Variants in BOD1L1 observed in about 807,000 individuals in gnomAD.
BOD1L1 encodes biorientation of chromosomes in cell division protein 1-like 1.
Under a neutral mutation model 240.7 loss-of-function variants are expected in BOD1L1, and 86 were observed. The ratio of observed to expected loss-of-function variants is 0.36; its 90% CI spans 0.30 to 0.43. The LOEUF (loss-of-function observed/expected upper bound fraction) is 0.43, where lower values mean the gene tolerates loss of function less well. Ranked by LOEUF, BOD1L1 falls within the 20% of genes least tolerant of loss-of-function variation. The probability of loss-of-function intolerance (pLI) is 1.00; values close to 1 mark genes in which losing one functional copy is unlikely to be tolerated. For missense variants in BOD1L1, 3,554 were observed against 3,643.5 expected (o/e 0.98, Z 0.63); for synonymous variants, 1,268 against 1,272.3 (o/e 1.00, Z 0.07).
intron 2 of BOD1L1, among the ~76,000 whole-genome samples, chr4:13,617,034 C>G (rs867533545): frequency 2.8e-4 from 42 of 152,216 alleles, no homozygotes; most frequent in Middle Eastern, 3.4e-3. Context: ...ATCACAAGGT[C>G]AGGAGATCGA....
intron 1 of BOD1L1, chr4:13,625,772 GA>G (rs1310954392): frequency 6.6e-6 from 1 of 152,012 alleles, no homozygotes; most frequent in Non-Finnish European, 1.5e-5. Flanking sequence ...TATTCCTGAA[GA>G]CAAAAGTAAA....
intron 16 of BOD1L1, among the ~76,000 whole-genome samples, chr4:13,587,187 C>T (rs541582943): frequency 6.6e-6 from 1 of 152,240 alleles, no homozygotes; most frequent in African/African-American, 2.4e-5. Context: ...TTCAGTCTTT[C>T]ATTTCCACTG....
In BOD1L1 at chr4:13,604,106, C is replaced by T. The variant is rs1715463774; in HGVS notation, c.2794G>A (p.Ala932Thr). The change falls in exon 10 of 26, where the codon GCC (alanine) becomes ACC (threonine). Residue 932 changes from alanine (A) to threonine (T), a missense_variant. Ala to Thr is a moderately conservative substitution (Grantham distance 58, BLOSUM62 0). Coordinates refer to ENST00000040738, the MANE Select transcript of BOD1L1 (RefSeq NM_148894.3). ...TTTGGAGTGGTTGCCTGTTTTGTGG[C>T]ACCTTCTTGTAATTCTGTTTCTACA... is the stretch of plus-strand genomic sequence containing the variant. ...KVVETELQEG[A>T]TKQATTPKPD... The T allele has an allele frequency of 1.2e-6, 2 of 1,613,514 alleles. No individual in the cohort carries two copies. Among genetic ancestry groups the T allele is most frequent in the Non-Finnish European group, 1.7e-6 (2 of 1,179,852 alleles).
At position 13,603,110 on chromosome 4, in the gene BOD1L1, G is replaced by A. The variant is rs760547134; in HGVS notation, c.3790C>T (p.His1264Tyr). The change falls in exon 10 of 26, where the codon CAT becomes TAT. Residue 1264 changes from histidine (H) to tyrosine (Y), a missense_variant. Coordinates refer to ENST00000040738, the MANE Select transcript of BOD1L1 (RefSeq NM_148894.3). ...KNLKNTAAEE[H>Y]VAQGDATLEH... ...AGAGTGGCATCTCCTTGAGCAACATGTTCTTCAGCAGCTGTGTTTTTCAAA... is the reference window on the plus strand; with the variant it reads ...AGAGTGGCATCTCCTTGAGCAACATATTCTTCAGCAGCTGTGTTTTTCAAA... 1.9e-6 allele frequency: 3 copies of A among 1,613,988 alleles called. No homozygotes were observed. The highest frequency in any genetic ancestry group is 4.5e-5 in the East Asian group (2 of 44,882).
Position 13,618,424 on chromosome 4 carries a change from G to T in BOD1L1, c.368+1519C>A, listed in dbSNP as rs1716780891. Among the ~76,000 whole-genome samples the T allele has an allele frequency of 2.0e-5, 3 of 152,264 alleles. No individual in the cohort carries two copies. The South Asian group carries it at 6.2e-4, about 32-fold the overall frequency. Reference sequence around the variant, plus strand: ...TTATCCCCTAGTCCTAAGCTATTTTGGTCATTGTTCTCTTTGAAAGCCTTT... The same window carrying T: ...TTATCCCCTAGTCCTAAGCTATTTTTGTCATTGTTCTCTTTGAAAGCCTTT... On this transcript the variant is annotated intron_variant, in intron 2 of 25. Transcript: ENST00000040738.
Position 13,619,963 on chromosome 4 carries a change from G to A in BOD1L1, c.348C>T (p.Asn116=), listed in dbSNP as rs368418760. 5.6e-6 allele frequency: 9 copies of A among 1,613,046 alleles called. No individual in the cohort carries two copies. Among genetic ancestry groups the A allele is most frequent in the African/African-American group, 4.0e-5 (3 of 74,924 alleles). ...PHLNKNQLRN[N]IRQQVLKSGM... Reference sequence around the variant, plus strand: ...CTTACTTGAGGACTTGTTGTCTAATGTTGTTTCTTAGCTGGTTCTTATTGA... The same window carrying A: ...CTTACTTGAGGACTTGTTGTCTAATATTGTTTCTTAGCTGGTTCTTATTGA... Residue 116 remains asparagine (N), a synonymous_variant, in exon 2 of 26, where the codon AAC becomes AAT. Coordinates refer to ENST00000040738, the MANE Select transcript of BOD1L1 (RefSeq NM_148894.3).
chr4:13,591,621 T>C (rs1400244524), intron 13 of BOD1L1, among the ~76,000 whole-genome samples: 1 of 152,210 alleles, frequency 6.6e-6, no homozygotes, highest in Non-Finnish European at 1.5e-5. Context: ...CTAAAATCTA[T>C]TTTGTCTATA....
In BOD1L1 at chr4:13,601,144, G is replaced by A; in HGVS notation, c.5756C>T (p.Ala1919Val). 4 of 1,613,974 alleles carry A rather than the reference G, an allele frequency of 2.5e-6. No individual in the cohort carries two copies. The highest frequency in any genetic ancestry group is 1.7e-6 in the Non-Finnish European group (2 of 1,179,892). ...GTVVEHVEAE[A>V]GAAIMNANEN... is the part of the protein sequence containing the mutation. ...ATTTGCATTCATGATGGCAGCTCCA[G>A]CCTCAGCTTCCACATGCTCTACCAC... The change falls in exon 10 of 26, where the codon GCT becomes GTT. Residue 1919 changes from alanine to valine, a missense_variant. By Grantham distance (64) the Ala-to-Val change is moderately conservative. Transcript: ENST00000040738.
Position 13,603,545 on chromosome 4 carries a change from G to A in BOD1L1, c.3355C>T (p.Pro1119Ser), listed in dbSNP as rs774395779. 1 of 1,613,940 alleles carries A rather than the reference G, an allele frequency of 6.2e-7. No homozygotes were observed. Among genetic ancestry groups the A allele is most frequent in the Admixed American group, 1.7e-5 (1 of 60,014 alleles). ...GDMTLIPEQE[P>S]MEIDSEPGVE... ...CCTGGCTCAGAATCAATTTCCATTGGCTCTTGTTCAGGGATCAATGTCATA... is the reference window on the plus strand; with the variant it reads ...CCTGGCTCAGAATCAATTTCCATTGACTCTTGTTCAGGGATCAATGTCATA... The change falls in exon 10 of 26, where the codon CCA (proline) becomes TCA (serine). Residue 1119 changes from proline to serine, a missense_variant. Pro to Ser is a moderately conservative substitution (Grantham distance 74). Around this residue, in one of 2 missense-constraint regions of BOD1L1, gnomAD observed 3,393 missense variants for 3,427.1 expected, o/e 0.99. Transcript: ENST00000040738.
chr4:13,620,292 G>T (rs972324048), intron 1 of BOD1L1, among the ~76,000 whole-genome samples: 1 of 152,194 alleles, frequency 6.6e-6, no homozygotes, highest in South Asian at 2.1e-4. Flanking sequence ...TATAGACAAA[G>T]GACTGGAAAA....
In BOD1L1 at chr4:13,599,165, C is replaced by T. The variant is rs1052209669; in HGVS notation, c.7735G>A (p.Ala2579Thr). Residue 2579 changes from alanine (A) to threonine (T), a missense_variant, in exon 10 of 26, where the codon GCT becomes ACT. By Grantham distance (58) the Ala-to-Thr change is moderately conservative. This residue lies in a region of BOD1L1 where 3,393 missense variants were observed against 3,427.1 expected (regional missense o/e 0.99). Transcript: ENST00000040738. The stretch of plus-strand genomic sequence containing the variant: ...GGAGGGATCATTGTGTGGGAAGGAG[C>T]AATTTTTGATTCTTGGCCAGTAATA... ...KCITGQESKI[A>T]PSHTMIPPAT... The T allele has an allele frequency of 6.2e-7, 1 of 1,613,890 alleles. No homozygotes were observed. Among genetic ancestry groups the T allele is most frequent in the Admixed American group, 1.7e-5 (1 of 60,000 alleles).
At chr4:13,570,154 G>C in intron 25 of BOD1L1, 26 bp from the exon 26 acceptor site, 1 of 1,486,404 alleles carries the variant, frequency 6.7e-7, no homozygotes, top group African/African-American at 1.5e-5. Context: ...TCAAGGCAAT[G>C]GTGAGGTTTA....
intron 8 of BOD1L1, among the ~76,000 whole-genome samples, 183 bp downstream of exon 8, chr4:13,608,347 C>G (rs1370820588): frequency 6.6e-6 from 1 of 152,140 alleles, no homozygotes; most frequent in Non-Finnish European, 1.5e-5. Flanking sequence ...GATTAGGATA[C>G]ACTACTTAGA....
At position 13,601,768 on chromosome 4, in the gene BOD1L1, T is replaced by C. The variant is rs1463093523; in HGVS notation, c.5132A>G (p.Gln1711Arg). ...SISSEEVDGS[Q>R]GNMMRMGPKK... ...GGGACCCATTCTCATCATATTTCCC[T>C]GGGAGCCATCCACCTCTTCACTGCT... The change falls in exon 10 of 26, where the codon CAG becomes CGG. Residue 1711 changes from glutamine (Q) to arginine (R), a missense_variant. By Grantham distance (43) the Gln-to-Arg change is conservative (BLOSUM62 1). Around this residue, in one of 2 missense-constraint regions of BOD1L1, gnomAD observed 3,393 missense variants for 3,427.1 expected, o/e 0.99. Transcript: ENST00000040738. The C allele has an allele frequency of 6.2e-7, 1 of 1,614,042 alleles. No homozygotes were observed. Among genetic ancestry groups the C allele is most frequent in the South Asian group, 1.1e-5 (1 of 91,084 alleles).
rs745787164 is a variant in BOD1L1, at chr4:13,604,984, T to A, written c.1916A>T (p.His639Leu). ...KPARRLSESL[H>L]VVDENKNESK... ...TTCATTTTTGTTTTCGTCAACTACA[T>A]GCAAAGACTCTGAAAGTCTCCGGGC... Residue 639 changes from histidine to leucine, a missense_variant, in exon 10 of 26, where the codon CAT (histidine) becomes CTT (leucine). His to Leu is a moderately conservative substitution (Grantham distance 99). Transcript: ENST00000040738. The A allele has an allele frequency of 2.5e-6, 4 of 1,613,622 alleles. No individual in the cohort carries two copies. Among genetic ancestry groups the A allele is most frequent in the Non-Finnish European group, 3.4e-6 (4 of 1,179,754 alleles).
Position 13,607,160 on chromosome 4 carries a change from T to G in BOD1L1, c.1772A>C (p.Gln591Pro), listed in dbSNP as rs1299863762. 8.2e-6 allele frequency: 13 copies of G among 1,576,366 alleles called. No individual in the cohort carries two copies. The highest frequency in any genetic ancestry group is 1.2e-5 in the South Asian group (1 of 86,136). Residue 591 changes from glutamine to proline, a missense_variant, in exon 9 of 26, where the codon CAG becomes CCG. Around this residue, in one of 2 missense-constraint regions of BOD1L1, gnomAD observed 3,393 missense variants for 3,427.1 expected, o/e 0.99. Transcript: ENST00000040738. The stretch of plus-strand genomic sequence containing the variant: ...TTCTTTGGAATCTTCTTCATATTGC[T>G]GTTTCTTTTTGGAGTTCTCTTCAAC... ...RNVEENSKKKQQYEEDSKETL... is the reference protein window; with the variant it reads ...RNVEENSKKKPQYEEDSKETL...
Position 13,614,302 on chromosome 4 carries a change from C to A in BOD1L1, c.1068G>T (p.Gln356His). 1 of 1,549,306 alleles carries A rather than the reference C, an allele frequency of 6.5e-7. No individual in the cohort carries two copies. Among genetic ancestry groups the A allele is most frequent in the Non-Finnish European group, 8.7e-7 (1 of 1,146,508 alleles). Residue 356 changes from glutamine (Q) to histidine (H), a missense_variant, in exon 4 of 26, where the codon CAG (glutamine) becomes CAT (histidine). This residue lies in a region of BOD1L1 where 3,393 missense variants were observed against 3,427.1 expected (regional missense o/e 0.99). Transcript: ENST00000040738. ...FDHSKKSEDT[Q>H]KVKDEKQAKE... ...TTGCTTGTTTTTCATCTTTAACTTT[C>A]TGTGTATCTTCACTCTTTTTTGAGT...
At chr4:13,609,541 A>G (rs1308943838) in intron 6 of BOD1L1, 135 bp from the exon 7 acceptor site, 5 of 529,178 alleles carry the variant, frequency 9.4e-6, no homozygotes, top group Admixed American at 7.9e-5. Context: ...ATGCACATAC[A>G]CTACATATAT....
At position 13,604,043 on chromosome 4, in the gene BOD1L1, C is replaced by T; in HGVS notation, c.2857G>A (p.Glu953Lys). The change falls in exon 10 of 26, where the codon GAA (glutamate) becomes AAA (lysine). Residue 953 changes from glutamate to lysine, a missense_variant. Physicochemically the swap from Glu to Lys is moderately conservative, Grantham distance 56. This residue lies in a region of BOD1L1 where 3,393 missense variants were observed against 3,427.1 expected (regional missense o/e 0.99). Transcript: ENST00000040738. ...KEKNTEENDS[E>K]KQRKSKVEDK... is the part of the protein sequence containing the mutation. Reference sequence around the variant, plus strand: ...TCAACTTTAGACTTACGCTGTTTTTCTGAGTCATTTTCTTCTGTGTTCTTC... The same window carrying T: ...TCAACTTTAGACTTACGCTGTTTTTTTGAGTCATTTTCTTCTGTGTTCTTC... 1.2e-6 allele frequency: 2 copies of T among 1,613,862 alleles called. No homozygotes were observed. The highest frequency in any genetic ancestry group is 1.1e-5 in the South Asian group (1 of 91,080).
Sources: allele counts gnomAD v4.1 joint callset (sites outside exome capture counted in the v4.1 genomes callset), GRCh38; gene constraint gnomAD v4.1.1; regional missense constraint gnomAD v4.1.1; transcripts MANE v1.5; gene names NCBI Gene and HGNC (gene_info 2026-07-23, HGNC 2026-07-21).